The following ITGBL1 variants were observed in gnomAD, a reference collection of about 807,000 sequenced individuals.
ITGBL1 encodes integrin beta-like protein 1.
A neutral mutation model predicts 68.5 loss-of-function variants in ITGBL1; 51 were observed. The ratio of observed to expected loss-of-function variants is 0.74; its 90% CI spans 0.59 to 0.94. The LOEUF (loss-of-function observed/expected upper bound fraction) is 0.94. Ranked by LOEUF, ITGBL1 falls within the 40% of genes least tolerant of loss-of-function variation. The pLI is 0.00. For synonymous variants in ITGBL1, 209 were observed against 227.3 expected (o/e 0.92, Z 0.72); for missense variants, 649 against 647.4 (o/e 1.00, Z -0.03).
intron 9 of ITGBL1, among the ~76,000 whole-genome samples, chr13:101,709,546 G>T (rs985589423): frequency 6.6e-6 from 1 of 151,946 alleles, no homozygotes; most frequent in African/African-American, 2.4e-5. Flanking sequence ...TTTCCTCTGA[G>T]CATGGCTTCA....
intron 7 of ITGBL1, among the ~76,000 whole-genome samples, chr13:101,628,082 T>C (rs184098258): frequency 6.6e-6 from 1 of 152,348 alleles, no homozygotes; most frequent in African/African-American, 2.4e-5. Context: ...AAAGTCTGTG[T>C]TTTCTCCACA....
intron 2 of ITGBL1, among the ~76,000 whole-genome samples, chr13:101,558,907 G>A (rs982324604): frequency 1.3e-4 from 9 of 67,454 alleles, no homozygotes; most frequent in African/African-American, 1.9e-4. Flanking sequence ...GTATTTGTGT[G>A]TGTATGTGTG....
At chr13:101,623,839 GT>G (rs1195969847) in intron 7 of ITGBL1, among the ~76,000 whole-genome samples, 5 of 152,198 alleles carry the variant, frequency 3.3e-5, no homozygotes. Context: ...AGGAATGAAA[GT>G]TTTTTTGGGT....
intron 4 of ITGBL1, among the ~76,000 whole-genome samples, chr13:101,576,683 C>T (rs943566086): frequency 3.9e-5 from 6 of 152,160 alleles, no homozygotes; most frequent in African/African-American, 1.4e-4. Context: ...ATTTCGGTAG[C>T]TTCAATTCCT....
chr13:101,662,638 T>C (rs2033117173), intron 7 of ITGBL1, among the ~76,000 whole-genome samples: 1 of 152,074 alleles, frequency 6.6e-6, no homozygotes, highest in South Asian at 2.1e-4. Context: ...TCTCCATCCC[T>C]CCCACTTTGA....
chr13:101,599,869 G>T (rs1195304793), intron 7 of ITGBL1, among the ~76,000 whole-genome samples: 2 of 152,090 alleles, frequency 1.3e-5, no homozygotes, highest in Admixed American at 6.6e-5. Context: ...GTCAGGTTGC[G>T]TGATGCCTCC....
chr13:101,559,455 C>T (rs188577379), intron 2 of ITGBL1, among the ~76,000 whole-genome samples: 2 of 152,206 alleles, frequency 1.3e-5, no homozygotes, highest in Non-Finnish European at 1.5e-5. Flanking sequence ...AATTTTAAAT[C>T]GTGAAGTTCA....
intron 7 of ITGBL1, among the ~76,000 whole-genome samples, chr13:101,638,810 A>G (rs1370077851): frequency 6.6e-6 from 1 of 152,214 alleles, no homozygotes; most frequent in Non-Finnish European, 1.5e-5. Context: ...GCCAAACCAT[A>G]TCACTATTAT....
intron 7 of ITGBL1, among the ~76,000 whole-genome samples, chr13:101,609,500 A>G (rs1161893283): frequency 6.6e-6 from 1 of 152,150 alleles, no homozygotes; most frequent in East Asian, 1.9e-4. Flanking sequence ...GTGAAAAGAA[A>G]TTATTAAAGG....
At chr13:101,583,429 AGCAATTAGAAAG>A in intron 6 of ITGBL1, 73 bp downstream of exon 6, 1 of 1,083,770 alleles carries the variant, frequency 9.2e-7, no homozygotes. Context: ...AAAAAAAAAA[AGCAATTAGAAAG>A]AATAAATAAG....
intron 7 of ITGBL1, among the ~76,000 whole-genome samples, chr13:101,618,160 G>A (rs2031440187): frequency 6.6e-6 from 1 of 152,148 alleles, no homozygotes; most frequent in African/African-American, 2.4e-5. Context: ...AGCTACATGG[G>A]GGGAAATTAT....
At chr13:101,607,985 C>T (rs1450902777) in intron 7 of ITGBL1, among the ~76,000 whole-genome samples, 2 of 151,882 alleles carry the variant, frequency 1.3e-5, no homozygotes, top group African/African-American at 4.8e-5. Flanking sequence ...TCCTGTTTGC[C>T]CTTTGGTTTT....
chr13:101,491,629 T>G (rs1045361657), intron 2 of ITGBL1, among the ~76,000 whole-genome samples: 15 of 134,982 alleles, frequency 1.1e-4, no homozygotes, highest in African/African-American at 5.9e-4. Context: ...TTTTCTTTAT[T>G]TTTTTTTAAA....
At chr13:101,680,015 G>T (rs927570484) in intron 7 of ITGBL1, among the ~76,000 whole-genome samples, 2 of 152,136 alleles carry the variant, frequency 1.3e-5, no homozygotes, top group Non-Finnish European at 2.9e-5. Context: ...AAAGTTATGA[G>T]CAACTTTTTC....
intron 2 of ITGBL1, among the ~76,000 whole-genome samples, chr13:101,493,219 TCTTA>T (rs2048806614): frequency 6.6e-6 from 1 of 152,160 alleles, no homozygotes. Flanking sequence ...CGTATGAGTT[TCTTA>T]CTTAGCAGAA....
At chr13:101,677,461 A>G (rs1400197370) in intron 7 of ITGBL1, among the ~76,000 whole-genome samples, 7 of 152,182 alleles carry the variant, frequency 4.6e-5, no homozygotes, top group Non-Finnish European at 1.0e-4. Flanking sequence ...CTTTAAAGGC[A>G]GTTATGTAGA....
intron 2 of ITGBL1, among the ~76,000 whole-genome samples, chr13:101,540,267 A>C (rs1369412064): frequency 6.6e-6 from 1 of 152,198 alleles, no homozygotes; most frequent in East Asian, 1.9e-4. Context: ...AGCTTTCTAC[A>C]TATGGCTAGC....
At chr13:101,699,779 G>C (rs978146635) in intron 8 of ITGBL1, among the ~76,000 whole-genome samples, 8 of 152,206 alleles carry the variant, frequency 5.3e-5, no homozygotes, top group African/African-American at 1.9e-4. Flanking sequence ...CCACTCCTGG[G>C]TGTTCCTCTT....
chr13:101,625,844 G>A (rs1035871191), intron 7 of ITGBL1, among the ~76,000 whole-genome samples: 15 of 152,034 alleles, frequency 9.9e-5, no homozygotes, highest in African/African-American at 3.4e-4. Context: ...GTGAGCCACC[G>A]CACCCGGCCA....
Sources: gnomAD v4.1 joint callset for allele counts (sites outside exome capture counted in the v4.1 genomes callset) on GRCh38, gnomAD v4.1.1 for gene constraint, MANE v1.5 for transcripts, NCBI Gene and HGNC (gene_info 2026-07-23, HGNC 2026-07-21) for gene names.